Variants in ASCC3 observed in about 807,000 individuals in gnomAD.
ASCC3 encodes the protein activating signal cointegrator 1 complex subunit 3, also known as ASC-1 complex subunit P200.
In ASCC3, 158 loss-of-function variants were observed where a neutral mutation model predicts 256.3. The ratio of observed to expected loss-of-function variants is 0.62; its 90% CI spans 0.54 to 0.70. ASCC3 has a LOEUF of 0.70. ASCC3 is among the 30% of genes least tolerant of loss of function. The pLI is 0.00. For missense variants in ASCC3, 2,259 were observed against 2,626.0 expected (o/e 0.86, Z 3.05); for synonymous variants, 948 against 883.4 (o/e 1.07, Z -1.30).
chr6:100,742,379 GGCT>G (rs1337043354), intron 10 of ASCC3, among the ~76,000 whole-genome samples: 6 of 152,182 alleles, frequency 3.9e-5, no homozygotes, highest in Admixed American at 3.9e-4. Flanking sequence ...GATACATTCT[GGCT>G]GCTTTTTGGT....
chr6:100,776,176 T>C (rs1309147836), intron 8 of ASCC3, among the ~76,000 whole-genome samples: 1 of 152,090 alleles, frequency 6.6e-6, no homozygotes, highest in South Asian at 2.1e-4. Context: ...TCTTCTAACT[T>C]AAAACATTTC....
chr6:100,586,810 A>C (rs779245118), intron 36 of ASCC3, among the ~76,000 whole-genome samples: 46 of 152,172 alleles, frequency 3.0e-4, no homozygotes, highest in Admixed American at 2.6e-3. Context: ...TGAAAACCAA[A>C]AGACAAATGT....
chr6:100,692,259 T>C (rs1215359655), intron 13 of ASCC3, among the ~76,000 whole-genome samples: 1 of 152,084 alleles, frequency 6.6e-6, no homozygotes, highest in Non-Finnish European at 1.5e-5. Flanking sequence ...CTGTTTTTCA[T>C]AAATGATGGT....
intron 14 of ASCC3, among the ~76,000 whole-genome samples, chr6:100,675,834 G>C (rs1776978798): frequency 6.6e-6 from 1 of 152,090 alleles, no homozygotes; most frequent in Non-Finnish European, 1.5e-5. Flanking sequence ...CAATCCCTAT[G>C]AGAACAGTTA....
chr6:100,802,291 T>C (rs1203616101), intron 5 of ASCC3, among the ~76,000 whole-genome samples: 1 of 152,070 alleles, frequency 6.6e-6, no homozygotes, highest in Admixed American at 6.6e-5. Context: ...AAGAACTATG[T>C]AGAGGCTTGT....
intron 4 of ASCC3, among the ~76,000 whole-genome samples, chr6:100,825,175 A>T (rs1436702908): frequency 6.6e-6 from 1 of 152,162 alleles, no homozygotes; most frequent in Non-Finnish European, 1.5e-5. Flanking sequence ...AGCTTGTCCA[A>T]CCCGTGGCCT....
chr6:100,864,450 A>G (rs1421440555), intron 2 of ASCC3, among the ~76,000 whole-genome samples: 1 of 152,196 alleles, frequency 6.6e-6, no homozygotes, highest in East Asian at 1.9e-4. Flanking sequence ...TACAGTTTTA[A>G]TTACACTGCA....
At chr6:100,513,515 A>T (rs1277377984) in intron 39 of ASCC3, among the ~76,000 whole-genome samples, 5 of 152,162 alleles carry the variant, frequency 3.3e-5, no homozygotes. Flanking sequence ...AGAATCCTCC[A>T]CTGACCACTT....
chr6:100,861,293 T>A (rs1325950890), intron 3 of ASCC3, among the ~76,000 whole-genome samples: 1 of 152,130 alleles, frequency 6.6e-6, no homozygotes, highest in Non-Finnish European at 1.5e-5. Context: ...AATGAAGACA[T>A]TAGACAAGAT....
chr6:100,685,958 T>A (rs9373571), intron 13 of ASCC3, among the ~76,000 whole-genome samples: 52,883 of 152,044 alleles, frequency 0.35, 10,860 homozygotes, highest in Middle Eastern at 0.52. Context: ...TTCTAGTACT[T>A]CCTCTATCAA....
At chr6:100,691,131 T>C (rs900752835) in intron 13 of ASCC3, among the ~76,000 whole-genome samples, 1 of 152,062 alleles carries the variant, frequency 6.6e-6, no homozygotes, top group African/African-American at 2.4e-5. Flanking sequence ...TTATGTACCA[T>C]GACAGCAAAA....
At chr6:100,609,711 G>A (rs1268930937) in intron 30 of ASCC3, among the ~76,000 whole-genome samples, 3 of 152,084 alleles carry the variant, frequency 2.0e-5, no homozygotes, top group Non-Finnish European at 2.9e-5. Flanking sequence ...AGGAAATCGA[G>A]ACTAGCCTGG....
At chr6:100,769,151 T>A (rs1781799046) in intron 8 of ASCC3, among the ~76,000 whole-genome samples, 1 of 152,088 alleles carries the variant, frequency 6.6e-6, no homozygotes, top group Admixed American at 6.6e-5. Flanking sequence ...CTCACTCATA[T>A]GTGGAATCTG....
intron 4 of ASCC3, among the ~76,000 whole-genome samples, chr6:100,813,253 C>T (rs977363294): frequency 6.6e-6 from 1 of 152,010 alleles, no homozygotes; most frequent in Non-Finnish European, 1.5e-5. Context: ...TTCAGCAGTT[C>T]AAGACAGGCC....
At chr6:100,663,374 A>C (rs1449121834) in intron 14 of ASCC3, among the ~76,000 whole-genome samples, 2 of 152,066 alleles carry the variant, frequency 1.3e-5, no homozygotes, top group African/African-American at 4.8e-5. Flanking sequence ...GCATGATGAA[A>C]TCTCACACTG....
chr6:100,695,612 G>A (rs956912631), intron 13 of ASCC3, among the ~76,000 whole-genome samples: 1 of 152,186 alleles, frequency 6.6e-6, no homozygotes, highest in Non-Finnish European at 1.5e-5. Context: ...GGAGTCAACT[G>A]CTTACTTTCC....
intron 36 of ASCC3, among the ~76,000 whole-genome samples, chr6:100,567,368 T>C (rs1344801506): frequency 3.9e-5 from 6 of 152,166 alleles, no homozygotes; most frequent in African/African-American, 7.2e-5. Context: ...GTGTACATCA[T>C]TGGATTAATG....
At chr6:100,781,365 G>C (rs963809484) in intron 8 of ASCC3, among the ~76,000 whole-genome samples, 9 of 151,928 alleles carry the variant, frequency 5.9e-5, no homozygotes, top group African/African-American at 1.9e-4. Context: ...ACTGCTCGTG[G>C]TACACTTGTT....
chr6:100,754,116 C>T (rs1781066086), intron 10 of ASCC3, among the ~76,000 whole-genome samples: 1 of 151,990 alleles, frequency 6.6e-6, no homozygotes, highest in African/African-American at 2.4e-5. Context: ...ATTTTGCAGG[C>T]TACTACTAAC....
Sources: gnomAD v4.1 joint callset for allele counts (sites outside exome capture counted in the v4.1 genomes callset) on GRCh38, gnomAD v4.1.1 for gene constraint, MANE v1.5 for transcripts, NCBI Gene and HGNC (gene_info 2026-07-23, HGNC 2026-07-21) for gene names.